Variants in RORA observed in about 807,000 individuals in gnomAD.
RORA encodes nuclear receptor ROR-alpha.
In RORA, 7 loss-of-function variants were observed where a neutral mutation model predicts 69.5. That is an observed-to-expected ratio of 0.10 (90% CI 0.06 to 0.19). The LOEUF (loss-of-function observed/expected upper bound fraction) is 0.19. Ranked by LOEUF, RORA falls within the 10% of genes least tolerant of loss-of-function variation. The pLI, the probability that RORA is intolerant of heterozygous loss-of-function variation, is 1.00. For missense variants in RORA, 457 were observed against 663.0 expected (o/e 0.69, Z 3.41); for synonymous variants, 261 against 240.8 (o/e 1.08, Z -0.78).
intron 1 of RORA, among the ~76,000 whole-genome samples, chr15:61,125,461 A>C (rs1291283855): frequency 6.6e-6 from 1 of 152,236 alleles, no homozygotes; most frequent in East Asian, 1.9e-4. Flanking sequence ...GGTGTGAAAC[A>C]AGTGGGCACA....
intron 1 of RORA, among the ~76,000 whole-genome samples, chr15:60,750,936 G>C (rs1817479): frequency 0.22 from 33,183 of 152,004 alleles, 4,541 homozygotes; most frequent in African/African-American, 0.39. Context: ...CTCCAGGTTG[G>C]ATGTCCCTCT....
chr15:60,640,962 A>G (rs1359839444), intron 2 of RORA, among the ~76,000 whole-genome samples: 1 of 151,876 alleles, frequency 6.6e-6, no homozygotes, highest in Admixed American at 6.6e-5. Flanking sequence ...TCTTCTTTTA[A>G]TTTTTTTTGA....
intron 1 of RORA, among the ~76,000 whole-genome samples, chr15:60,858,355 T>G (rs1021694644): frequency 6.6e-6 from 1 of 152,196 alleles, no homozygotes; most frequent in African/African-American, 2.4e-5. Flanking sequence ...AAAAACACGT[T>G]CTGGGTCTTT....
chr15:60,954,111 C>G (rs1277801547), intron 1 of RORA, among the ~76,000 whole-genome samples: 1 of 146,958 alleles, frequency 6.8e-6, no homozygotes, highest in African/African-American at 2.5e-5. Context: ...ACTATGCAGC[C>G]ATAAAAAATG....
intron 1 of RORA, among the ~76,000 whole-genome samples, chr15:61,052,691 C>T (rs529008548): frequency 2.0e-5 from 3 of 152,284 alleles, no homozygotes; most frequent in African/African-American, 7.2e-5. Context: ...CCCTCACTGA[C>T]TGTTTCTACT....
At chr15:61,035,940 A>G (rs1896437435) in intron 1 of RORA, among the ~76,000 whole-genome samples, 1 of 152,216 alleles carries the variant, frequency 6.6e-6, no homozygotes, top group African/African-American at 2.4e-5. Flanking sequence ...CATGACATGG[A>G]CATAAATGCT....
chr15:60,848,284 C>T (rs2073288760), intron 1 of RORA: 1 of 152,236 alleles, frequency 6.6e-6, no homozygotes, highest in African/African-American at 2.4e-5. Context: ...CCTTACATGG[C>T]AAAAGAGACT....
intron 1 of RORA, among the ~76,000 whole-genome samples, chr15:61,156,267 T>G (rs1261926044): frequency 6.6e-6 from 1 of 152,144 alleles, no homozygotes; most frequent in East Asian, 1.9e-4. Context: ...CTGTTGCCAT[T>G]TTAGTATGAT....
At chr15:61,036,681 C>T (rs1896474570) in intron 1 of RORA, among the ~76,000 whole-genome samples, 1 of 151,818 alleles carries the variant, frequency 6.6e-6, no homozygotes, top group Non-Finnish European at 1.5e-5. Context: ...CCAGGTCTTT[C>T]TAAAGTTAGG....
At position 61,229,143 on chromosome 15, in the gene RORA, A is replaced by G. The variant is rs1425991855; in HGVS notation, c.76T>C (p.Ser26Pro). The change falls in exon 1 of 11, where the codon TCC becomes CCC. Residue 26 changes from serine to proline, a missense_variant. Physicochemically the swap from Ser to Pro is moderately conservative, Grantham distance 74. This residue lies in a region of RORA where 119 missense variants were observed against 92.4 expected (regional missense o/e 1.29). Coordinates refer to ENST00000335670, the MANE Select transcript of RORA (RefSeq NM_134261.3). ...TCCTGGTTCAGCGGGGTCTCCCTGG[A>G]GCCGGCGGCCGCGTCCGCGCCGCTG... ...GSSGADAAAG[S>P]RETPLNQESA... 2 of 1,543,052 alleles carry G rather than the reference A, an allele frequency of 1.3e-6. No individual in the cohort carries two copies. Among genetic ancestry groups the G allele is most frequent in the South Asian group, 1.2e-5 (1 of 83,968 alleles).
At chr15:61,145,046 A>G (rs2079334268) in intron 1 of RORA, among the ~76,000 whole-genome samples, 1 of 152,182 alleles carries the variant, frequency 6.6e-6, no homozygotes, top group African/African-American at 2.4e-5. Flanking sequence ...TCTATCTAAA[A>G]GAAGCCTTTT....
At chr15:61,064,324 TGTA>T (rs2078227564) in intron 1 of RORA, among the ~76,000 whole-genome samples, 1 of 152,256 alleles carries the variant, frequency 6.6e-6, no homozygotes, top group Non-Finnish European at 1.5e-5. Context: ...TCTGTACCTT[TGTA>T]GTGCCAAATA....
chr15:60,942,239 G>C (rs1892721861), intron 1 of RORA, among the ~76,000 whole-genome samples: 1 of 152,232 alleles, frequency 6.6e-6, no homozygotes, highest in Non-Finnish European at 1.5e-5. Flanking sequence ...CTTACAACTA[G>C]ATGTGGAAAC....
chr15:60,753,923 T>C (rs1193747157), intron 1 of RORA, among the ~76,000 whole-genome samples: 2 of 152,220 alleles, frequency 1.3e-5, no homozygotes, highest in African/African-American at 4.8e-5. Context: ...GTGGAGCAAG[T>C]ATTATTACTC....
chr15:60,592,534 C>T, intron 2 of RORA: 1 of 1,287,678 alleles, frequency 7.8e-7, no homozygotes. Context: ...GCTGCCCGCC[C>T]GCCGAGAGCC....
chr15:60,497,351 C>T lies in RORA; in HGVS notation c.*104G>A, dbSNP rs1243750525. 3 of 889,464 alleles carry T rather than the reference C, an allele frequency of 3.4e-6. No individual in the cohort carries two copies. The highest frequency in any genetic ancestry group is 2.6e-5 in the East Asian group (1 of 38,604). The allele number at this position is 889,464 out of a possible 1,614,324, so 55.1% of individuals were successfully genotyped here. Reference sequence around the variant, plus strand: ...TCACCAAAAGATGTGCAGTGTGTGGCGCTCCAGGTCTGTGCAGGGCCATAT... The same window carrying T: ...TCACCAAAAGATGTGCAGTGTGTGGTGCTCCAGGTCTGTGCAGGGCCATAT... On this transcript the variant is annotated 3_prime_UTR_variant, in exon 11 of 11. Transcript: ENST00000335670.
At chr15:61,158,399 T>A (rs1209668543) in intron 1 of RORA, among the ~76,000 whole-genome samples, 1 of 152,224 alleles carries the variant, frequency 6.6e-6, no homozygotes. Flanking sequence ...CTGGGAAATC[T>A]GCAGCATTAA....
intron 1 of RORA, among the ~76,000 whole-genome samples, chr15:61,140,789 CA>C (rs1229732890): frequency 6.6e-6 from 1 of 151,960 alleles, no homozygotes; most frequent in Non-Finnish European, 1.5e-5. Flanking sequence ...GGCGGGGGGT[CA>C]GGGGGAAAAG....
chr15:61,089,343 C>T (rs1386343741), intron 1 of RORA, among the ~76,000 whole-genome samples: 2 of 152,188 alleles, frequency 1.3e-5, no homozygotes, highest in Non-Finnish European at 2.9e-5. Context: ...GAACAGAGAC[C>T]TTGCTAACTT....
Sources: gnomAD v4.1 joint callset for allele counts (sites outside exome capture counted in the v4.1 genomes callset) on GRCh38, gnomAD v4.1.1 for gene constraint, gnomAD v4.1.1 regional missense constraint, MANE v1.5 for transcripts, NCBI Gene and HGNC (gene_info 2026-07-23, HGNC 2026-07-21) for gene names.